AGTR1: variants seen among roughly 807,000 people sequenced by gnomAD.
AGTR1 encodes the protein type-1 angiotensin II receptor.
A neutral mutation model predicts 19.4 loss-of-function variants in AGTR1; 16 were observed. The observed-to-expected ratio is 0.82, with a 90% CI of 0.56 to 1.25. The LOEUF is 1.25. AGTR1 is among the 50% of genes most tolerant of loss of function. The probability of loss-of-function intolerance (pLI) is 0.00; values close to 1 mark genes in which losing one functional copy is unlikely to be tolerated. For missense variants in AGTR1, 373 were observed against 431.9 expected (o/e 0.86, Z 1.21); for synonymous variants, 153 against 154.9 (o/e 0.99, Z 0.09).
chr3:148,726,676 CTTCA>C (rs1650657919), intron 2 of AGTR1, among the ~76,000 whole-genome samples: 1 of 151,766 alleles, frequency 6.6e-6, no homozygotes, highest in African/African-American at 2.4e-5. Flanking sequence ...TGGGCTTTTT[CTTCA>C]TTTACCCCCA....
At chr3:148,739,013 C>A (rs548395663) in intron 2 of AGTR1, among the ~76,000 whole-genome samples, 18 of 152,192 alleles carry the variant, frequency 1.2e-4, no homozygotes, top group Non-Finnish European at 2.2e-4. Context: ...GCTCTCCCCA[C>A]AAGCAACTGA....
At chr3:148,717,560 A>G (rs1713373889) in intron 2 of AGTR1, among the ~76,000 whole-genome samples, 1 of 152,222 alleles carries the variant, frequency 6.6e-6, no homozygotes, top group Non-Finnish European at 1.5e-5. Context: ...CTAGTATTTA[A>G]TTATAGCTTT....
In AGTR1 at chr3:148,741,382, T is replaced by C. The variant is rs1165414525; in HGVS notation, c.347T>C (p.Val116Ala). 1 of 1,603,508 alleles carries C rather than the reference T, an allele frequency of 6.2e-7. No individual in the cohort carries two copies. The highest frequency in any genetic ancestry group is 8.5e-7 in the Non-Finnish European group (1 of 1,178,376). Reference protein sequence around the residue: ...ASVSFNLYASVFLLTCLSIDR... With the variant: ...ASVSFNLYASAFLLTCLSIDR... ...GTCAGTTTCAACCTGTACGCTAGTG[T>C]GTTTCTACTCACGTGTCTCAGCATT... The change falls in exon 3 of 3, where the codon GTG becomes GCG. Residue 116 changes from valine (V) to alanine (A), a missense_variant. By Grantham distance (64) the Val-to-Ala change is moderately conservative (BLOSUM62 0). Coordinates refer to ENST00000349243, the MANE Select transcript of AGTR1 (RefSeq NM_000685.5).
In AGTR1 at chr3:148,741,608, C is replaced by T. The variant is rs5182; in HGVS notation, c.573C>T (p.Leu191=). 0.47 allele frequency: 753,526 copies of T among 1,613,482 alleles called. 180,926 individuals carry two copies. The highest frequency in any genetic ancestry group is 0.68 in the East Asian group (30,319 of 44,864). ...AFHYESQNST[L]PIGLGLTKNI... is the part of the protein sequence containing the mutation. ...ATTATGAGTCCCAAAATTCAACCCT[C>T]CCGATAGGGCTGGGCCTGACCAAAA... Residue 191 remains leucine, a synonymous_variant, in exon 3 of 3, where the codon CTC becomes CTT. Coordinates refer to ENST00000349243, the MANE Select transcript of AGTR1 (RefSeq NM_000685.5).
At position 148,741,879 on chromosome 3, in the gene AGTR1, A is replaced by G; in HGVS notation, c.844A>G (p.Thr282Ala). The G allele has an allele frequency of 1.2e-6, 2 of 1,614,188 alleles. No individual in the cohort carries two copies. The highest frequency in any genetic ancestry group is 1.7e-6 in the Non-Finnish European group (2 of 1,180,030). Residue 282 changes from threonine (T) to alanine (A), a missense_variant, in exon 3 of 3, where the codon ACG becomes GCG. By Grantham distance (58) the Thr-to-Ala change is moderately conservative (BLOSUM62 0). Coordinates refer to ENST00000349243, the MANE Select transcript of AGTR1 (RefSeq NM_000685.5). ...CTGTAGAATTGCAGATATTGTGGAC[A>G]CGGCCATGCCTATCACCATTTGTAT... ...RDCRIADIVDTAMPITICIAY... is the reference protein window; with the variant it reads ...RDCRIADIVDAAMPITICIAY...
intron 2 of AGTR1, among the ~76,000 whole-genome samples, chr3:148,730,905 A>G (rs1559930210): frequency 1.3e-5 from 2 of 152,200 alleles, no homozygotes; most frequent in Non-Finnish European, 2.9e-5. Flanking sequence ...CTGTGCTTCC[A>G]GTACAGCAGC....
At chr3:148,734,658 G>T (rs1358066126) in intron 2 of AGTR1, among the ~76,000 whole-genome samples, 1 of 152,150 alleles carries the variant, frequency 6.6e-6, no homozygotes, top group Non-Finnish European at 1.5e-5. Flanking sequence ...CATCTCCAAA[G>T]AAATCATTTA....
intron 1 of AGTR1, among the ~76,000 whole-genome samples, chr3:148,699,093 C>A (rs1036775201): frequency 6.6e-6 from 1 of 152,158 alleles, no homozygotes; most frequent in Non-Finnish European, 1.5e-5. Flanking sequence ...TACTCCCCCC[C>A]TTCAGGAGCC....
At chr3:148,738,057 G>T (rs12721233) in intron 2 of AGTR1, among the ~76,000 whole-genome samples, 19,622 of 152,062 alleles carry the variant, frequency 0.13, 1,671 homozygotes, top group African/African-American at 0.25. Flanking sequence ...TATTATGAAT[G>T]CTAGTTATAG....
chr3:148,701,293 C>T (rs1712322746), intron 1 of AGTR1, among the ~76,000 whole-genome samples: 1 of 152,180 alleles, frequency 6.6e-6, no homozygotes, highest in Non-Finnish European at 1.5e-5. Context: ...ATGTTTGGAA[C>T]AGTCATAAAA....
intron 2 of AGTR1, among the ~76,000 whole-genome samples, chr3:148,738,785 T>A (rs2107970846): frequency 6.6e-6 from 1 of 152,352 alleles, no homozygotes; most frequent in Non-Finnish European, 1.5e-5. Flanking sequence ...AAGTTGACAC[T>A]GAGTATTCTC....
rs113033635 is a variant in AGTR1 at position 148,725,509 on chromosome 3, T to A, written c.-47-15480T>A. On this transcript the variant is annotated intron_variant, in intron 2 of 2. Coordinates refer to ENST00000349243, the MANE Select transcript of AGTR1 (RefSeq NM_000685.5). ...AATTTACTTAGTATATGTATAAGTCTCATTCTGCTGCCCAGGCTGGAGTGC... is the reference window on the plus strand; with the variant it reads ...AATTTACTTAGTATATGTATAAGTCACATTCTGCTGCCCAGGCTGGAGTGC... 4.9e-3 allele frequency among the ~76,000 whole-genome samples: 744 copies of A among 152,300 alleles called. 4 individuals are homozygous for A. The highest frequency in any genetic ancestry group is 0.017 in the African/African-American group (720 of 41,566).
At position 148,733,939 on chromosome 3, in the gene AGTR1, C is replaced by T. The variant is rs571064090; in HGVS notation, c.-47-7050C>T. 3.3e-5 allele frequency among the ~76,000 whole-genome samples: 5 copies of T among 152,144 alleles called. No homozygotes were observed. In the South Asian group the frequency reaches 6.2e-4, roughly 19 times the overall value. On this transcript the variant is annotated intron_variant, in intron 2 of 2. Coordinates refer to ENST00000349243, the MANE Select transcript of AGTR1 (RefSeq NM_000685.5). ...GTATTTAATACTAACACTAACATGTCGAAGGAAGATGTTTAAAGCATGTGA... is the reference window on the plus strand; with the variant it reads ...GTATTTAATACTAACACTAACATGTTGAAGGAAGATGTTTAAAGCATGTGA...
At chr3:148,738,062 T>A (rs982034561) in intron 2 of AGTR1, among the ~76,000 whole-genome samples, 2 of 152,102 alleles carry the variant, frequency 1.3e-5, no homozygotes, top group African/African-American at 4.8e-5. Context: ...TGAATGCTAG[T>A]TATAGTTTGA....
chr3:148,741,673 C>A lies in AGTR1; in HGVS notation c.638C>A (p.Thr213Lys), dbSNP rs1390102655. Reference sequence around the variant, plus strand: ...CTGTTTCCTTTTCTGATCATTCTTACAAGTTATACTCTTATTTGGAAGGCC... The same window carrying A: ...CTGTTTCCTTTTCTGATCATTCTTAAAAGTTATACTCTTATTTGGAAGGCC... ...GFLFPFLIILTSYTLIWKALK... is the reference protein window; with the variant it reads ...GFLFPFLIILKSYTLIWKALK... Residue 213 changes from threonine to lysine, a missense_variant, in exon 3 of 3, where the codon ACA (threonine) becomes AAA (lysine). Physicochemically the swap from Thr to Lys is moderately conservative, Grantham distance 78 (BLOSUM62 -1). Coordinates refer to ENST00000349243, the MANE Select transcript of AGTR1 (RefSeq NM_000685.5). 6.2e-7 allele frequency: 1 copy of A among 1,613,834 alleles called. No homozygotes were observed. Among genetic ancestry groups the A allele is most frequent in the Non-Finnish European group, 8.5e-7 (1 of 1,179,886 alleles).
At chr3:148,736,988 G>A (rs185004593) in intron 2 of AGTR1, among the ~76,000 whole-genome samples, 151 of 152,112 alleles carry the variant, frequency 9.9e-4, no homozygotes, top group South Asian at 1.9e-3. Context: ...TCTCTCCTTC[G>A]GCTTCTCACC....
At chr3:148,713,951 A>G (rs141335197) in intron 2 of AGTR1, among the ~76,000 whole-genome samples, 7 of 152,334 alleles carry the variant, frequency 4.6e-5, no homozygotes, top group African/African-American at 9.6e-5. Context: ...GTTTGCAACT[A>G]TCATGACCTA....
At chr3:148,699,119 T>G (rs1216458003) in intron 1 of AGTR1, among the ~76,000 whole-genome samples, 2 of 152,118 alleles carry the variant, frequency 1.3e-5, no homozygotes, top group Non-Finnish European at 1.5e-5. Context: ...TTAATGAAAG[T>G]TTGGGTACTG....
rs398122935 is a variant in AGTR1 at position 148,741,286 on chromosome 3, G to A, written c.251G>A (p.Trp84Ter). 8.7e-6 allele frequency: 14 copies of A among 1,613,010 alleles called. No homozygotes were observed. The highest frequency in any genetic ancestry group is 1.3e-5 in the African/African-American group (1 of 75,018). ...DLCFLLTLPL[W>*]AVYTAMEYRW... ...TGCTTTTTACTGACTTTGCCACTAT[G>A]GGCTGTCTACACAGCTATGGAATAC... The change falls in exon 3 of 3, where the codon TGG becomes TAG. Residue 84 changes from tryptophan to a stop codon, truncating the protein, a stop_gained. Coordinates refer to ENST00000349243, the MANE Select transcript of AGTR1 (RefSeq NM_000685.5). LOFTEE classifies it high-confidence loss of function.
Sources: allele counts gnomAD v4.1 joint callset (sites outside exome capture counted in the v4.1 genomes callset), GRCh38; gene constraint gnomAD v4.1.1; transcripts MANE v1.5; gene names NCBI Gene and HGNC (gene_info 2026-07-23, HGNC 2026-07-21).